Variants in PRORP observed in about 807,000 individuals in gnomAD.
PRORP encodes mitochondrial ribonuclease P catalytic subunit.
In PRORP, 51 loss-of-function variants were observed where a neutral mutation model predicts 59.4. The ratio of observed to expected loss-of-function variants is 0.86; its 90% CI spans 0.69 to 1.08. PRORP has a LOEUF of 1.08. Ranked by LOEUF, PRORP falls within the 50% of genes least tolerant of loss-of-function variation. The pLI, the probability that PRORP is intolerant of heterozygous loss-of-function variation, is 0.00. For synonymous variants in PRORP, 231 were observed against 245.6 expected, an observed-to-expected ratio of 0.94 and a Z score of 0.55; for missense variants, 646 against 690.3, an observed-to-expected ratio of 0.94 and a Z score of 0.72.
intron 5 of PRORP, among the ~76,000 whole-genome samples, chr14:35,266,508 CT>C (rs964227381): frequency 3.9e-5 from 6 of 152,134 alleles, no homozygotes; most frequent in African/African-American, 1.2e-4. Context: ...AAACCCCCCC[CT>C]GCAATGTAGC....
chr14:35,244,473 A>G (rs1256687105), intron 5 of PRORP, among the ~76,000 whole-genome samples: 2 of 149,606 alleles, frequency 1.3e-5, no homozygotes, highest in African/African-American at 4.9e-5. Context: ...TTCATTTTGC[A>G]CATGGGGAAA....
At chr14:35,229,490 C>T (rs1429481835) in intron 5 of PRORP, among the ~76,000 whole-genome samples, 4 of 152,114 alleles carry the variant, frequency 2.6e-5, no homozygotes, top group Non-Finnish European at 5.9e-5. Context: ...AGGTAAAGGT[C>T]CAGTTTCATT....
At chr14:35,189,388 A>G (rs1353083589) in intron 5 of PRORP, among the ~76,000 whole-genome samples, 5 of 142,994 alleles carry the variant, frequency 3.5e-5, no homozygotes, top group African/African-American at 1.3e-4. Flanking sequence ...AAAGTAATAT[A>G]TTTCCCTGGT....
intron 5 of PRORP, among the ~76,000 whole-genome samples, chr14:35,254,271 CT>C (rs2050691300): frequency 6.6e-6 from 1 of 152,134 alleles, no homozygotes; most frequent in Non-Finnish European, 1.5e-5. Flanking sequence ...GCCTGAATTA[CT>C]GCAGAAGCCT....
chr14:35,261,377 C>G (rs1489904879), intron 5 of PRORP, among the ~76,000 whole-genome samples: 2 of 152,152 alleles, frequency 1.3e-5, no homozygotes, highest in African/African-American at 4.8e-5. Flanking sequence ...ATTTTCCCTC[C>G]TGGTTTTACT....
At chr14:35,206,953 G>T (rs2049309143) in intron 5 of PRORP, among the ~76,000 whole-genome samples, 1 of 152,092 alleles carries the variant, frequency 6.6e-6, no homozygotes, top group Non-Finnish European at 1.5e-5. Flanking sequence ...TTGTAATTTA[G>T]CAGTGTTGAA....
chr14:35,122,101 G>A (rs921652796), upstream of PRORP: 36 of 788,834 alleles, frequency 4.6e-5, no homozygotes, highest in Non-Finnish European at 6.6e-5. Flanking sequence ...GGAAGTCTTG[G>A]CTAAAGAGGC....
chr14:35,177,479 T>C (rs2048483331), intron 4 of PRORP, among the ~76,000 whole-genome samples: 1 of 152,152 alleles, frequency 6.6e-6, no homozygotes, highest in Non-Finnish European at 1.5e-5. Context: ...TGGGAGGGTG[T>C]ATGTGTCCAG....
At chr14:35,220,798 G>GCAGT (rs1336367324) in intron 5 of PRORP, among the ~76,000 whole-genome samples, 2 of 152,118 alleles carry the variant, frequency 1.3e-5, no homozygotes, top group African/African-American at 4.8e-5. Context: ...TATGTGCCAG[G>GCAGT]CAGTCTAGTA....
At chr14:35,213,394 G>A (rs190934186) in intron 5 of PRORP, among the ~76,000 whole-genome samples, 36 of 152,016 alleles carry the variant, frequency 2.4e-4, no homozygotes, top group Admixed American at 1.4e-3. Context: ...TTGCACAACT[G>A]CACTCCAGTC....
At chr14:35,206,333 A>G (rs915229399) in intron 5 of PRORP, among the ~76,000 whole-genome samples, 1 of 152,188 alleles carries the variant, frequency 6.6e-6, no homozygotes, top group Admixed American at 6.5e-5. Context: ...GGTGGAGGAC[A>G]CTGTTATTCT....
chr14:35,231,736 T>A (rs1247828867), intron 5 of PRORP, among the ~76,000 whole-genome samples: 1 of 152,154 alleles, frequency 6.6e-6, no homozygotes, highest in East Asian at 1.9e-4. Context: ...GTCCTTAGAA[T>A]CAGCCATACC....
chr14:35,121,871 A>T, upstream of PRORP: 1 of 1,612,704 alleles, frequency 6.2e-7, no homozygotes, highest in Non-Finnish European at 8.5e-7. Flanking sequence ...GGGCCGGGCC[A>T]TCCCAACGGG....
chr14:35,185,941 CTTTT>C (rs1002187752), intron 5 of PRORP, among the ~76,000 whole-genome samples: 1 of 152,030 alleles, frequency 6.6e-6, no homozygotes, highest in African/African-American at 2.4e-5. Context: ...AAATAGTATA[CTTTT>C]TTGTTTGTTT....
At chr14:35,176,203 A>G (rs1446500376) in intron 4 of PRORP, among the ~76,000 whole-genome samples, 2 of 152,204 alleles carry the variant, frequency 1.3e-5, no homozygotes, top group East Asian at 1.9e-4. Flanking sequence ...CTTTTGGCTT[A>G]GGATTGTCTT....
chr14:35,250,231 CAA>C (rs796530537), intron 5 of PRORP, among the ~76,000 whole-genome samples: 2 of 126,964 alleles, frequency 1.6e-5, no homozygotes, highest in Non-Finnish European at 1.7e-5. Context: ...GACTCGGTCT[CAA>C]AAAAAAAAAA....
intron 5 of PRORP, among the ~76,000 whole-genome samples, chr14:35,214,790 C>T (rs1397424610): frequency 6.6e-6 from 1 of 152,102 alleles, no homozygotes; most frequent in East Asian, 1.9e-4. Context: ...ACCTGTAATC[C>T]CAGCTACTTG....
chr14:35,124,074 C>G lies in PRORP; in HGVS notation c.829C>G (p.Pro277Ala), dbSNP rs759794383. The G allele has an allele frequency of 1.9e-6, 3 of 1,613,648 alleles. No homozygotes were observed. In the South Asian group the frequency reaches 3.3e-5, roughly 18 times the overall value. Residue 277 changes from proline to alanine, a missense_variant, in exon 2 of 8, where the codon CCT (proline) becomes GCT (alanine). Pro to Ala is a conservative substitution (Grantham distance 27). Coordinates refer to ENST00000534898, the MANE Select transcript of PRORP (RefSeq NM_014672.4). The part of the protein sequence containing the change: ...YQELLGHDIV[P>A]MLETLKAFFD... The stretch of plus-strand genomic sequence containing the variant: ...GGAATTGCTAGGTCATGATATTGTT[C>G]CTATGTTGGAAACTTTAAAAGCTTT...
At chr14:35,181,606 G>A (rs1373975420) in intron 5 of PRORP, among the ~76,000 whole-genome samples, 5 of 152,026 alleles carry the variant, frequency 3.3e-5, no homozygotes, top group Non-Finnish European at 7.4e-5. Flanking sequence ...CTAACATGGT[G>A]AAACCCTGTC....
Sources: allele counts gnomAD v4.1 joint callset (sites outside exome capture counted in the v4.1 genomes callset), GRCh38; gene constraint gnomAD v4.1.1; transcripts MANE v1.5; gene names NCBI Gene and HGNC (gene_info 2026-07-23, HGNC 2026-07-21).